Variants in LRP4 observed in about 807,000 individuals in gnomAD.
LRP4 encodes low-density lipoprotein receptor-related protein 4.
LRP4 carries 95 observed loss-of-function variants against 220.3 expected under a neutral mutation model. The ratio of observed to expected loss-of-function variants is 0.43; its 90% confidence interval spans 0.37 to 0.51. LRP4 has a LOEUF of 0.51. Ranked by LOEUF, LRP4 falls within the 20% of genes least tolerant of loss-of-function variation. The probability of loss-of-function intolerance (pLI) is 0.00; values close to 1 mark genes in which losing one functional copy is unlikely to be tolerated. For synonymous variants in LRP4, 903 were observed against 954.6 expected (o/e 0.95, Z 1.00); for missense variants, 1,925 against 2,567.0 (o/e 0.75, Z 5.40).
At chr11:46,861,592 C>A (rs984424902) in intron 37 of LRP4, among the ~76,000 whole-genome samples, 1 of 127,000 alleles carries the variant, frequency 7.9e-6, no homozygotes, top group Admixed American at 1.0e-4. Context: ...GTGGCATGAT[C>A]ACAGCTCACT....
At chr11:46,911,038 A>G (rs1227861560) in intron 1 of LRP4, among the ~76,000 whole-genome samples, 1 of 152,230 alleles carries the variant, frequency 6.6e-6, no homozygotes, top group Admixed American at 6.5e-5. Context: ...GAGAATCCAG[A>G]AACTAAAGTA....
chr11:46,884,965 A>G (rs1027356242), intron 18 of LRP4, among the ~76,000 whole-genome samples: 5 of 152,062 alleles, frequency 3.3e-5, no homozygotes, highest in Non-Finnish European at 7.4e-5. Context: ...ACTAACCCCC[A>G]AAGATTCTGA....
Position 46,894,822 on chromosome 11 carries a change from G to A in LRP4, c.1310-3C>T, listed in dbSNP as rs1941491191. On this transcript the variant is annotated splice_region_variant and splice_polypyrimidine_tract_variant and intron_variant, in intron 11 of 37. Transcript: ENST00000378623. ...GAACAGCAGCACAGGCTCTGGCCCTGGGAAACAGTATAAACATGGGATACC... is the reference window on the plus strand; with the variant it reads ...GAACAGCAGCACAGGCTCTGGCCCTAGGAAACAGTATAAACATGGGATACC... The A allele has an allele frequency of 6.2e-7, 1 of 1,613,308 alleles. No homozygotes were observed. The highest frequency in any genetic ancestry group is 8.5e-7 in the Non-Finnish European group (1 of 1,179,260).
At position 46,899,867 on chromosome 11, in the gene LRP4, C is replaced by T. The variant is rs371955690; in HGVS notation, c.426G>A (p.Gln142=). Residue 142 remains glutamine (Q), a synonymous_variant, in exon 4 of 38, where the codon CAG becomes CAA. Transcript: ENST00000378623. The surrounding 1 kb of genome is among the most constrained non-coding windows in gnomAD (Gnocchi z 5.9). ...DNDCGDNSDE[Q]CDMRKCSDKE... ...TCCCCCGTTGGGGTCACCCACCACA[C>T]TGCTCATCGCTGTTGTCGCCACAGT... is the stretch of plus-strand genomic sequence containing the variant. 36 of 1,613,680 alleles carry T rather than the reference C, an allele frequency of 2.2e-5. No individual in the cohort carries two copies. The African/African-American group carries it at 3.5e-4, about 16-fold the overall frequency.
intron 3 of LRP4, 139 bp from the exon 4 acceptor site, chr11:46,900,115 C>T (rs1021233452): frequency 2.1e-6 from 2 of 952,710 alleles, no homozygotes; most frequent in Admixed American, 1.8e-5. Context: ...CTCTCAGCAG[C>T]TTATCTGACT....
intron 37 of LRP4, among the ~76,000 whole-genome samples, chr11:46,862,363 G>A (rs1592509227): frequency 6.6e-6 from 1 of 152,136 alleles, no homozygotes; most frequent in East Asian, 1.9e-4. Context: ...ACTGCTTTCA[G>A]ACCTAAATCT....
intron 1 of LRP4, among the ~76,000 whole-genome samples, chr11:46,910,471 A>G (rs1941840610): frequency 6.6e-6 from 1 of 152,304 alleles, no homozygotes; most frequent in East Asian, 1.9e-4. Context: ...ACTATTAAAG[A>G]TTTGGCTTAC....
chr11:46,898,736 A>G (rs1175566638), intron 6 of LRP4, 59 bp from the exon 7 acceptor site: 46 of 1,610,834 alleles, frequency 2.9e-5, no homozygotes, highest in East Asian at 2.2e-5. Context: ...ATGGCAGACT[A>G]GAAGGCCACA....
intron 1 of LRP4, among the ~76,000 whole-genome samples, chr11:46,913,913 G>C (rs943547640): frequency 7.2e-5 from 11 of 152,060 alleles, no homozygotes; most frequent in Non-Finnish European, 1.5e-5. Flanking sequence ...GAGAAAGAAG[G>C]GGCAGATCTT....
At chr11:46,864,578 T>G in intron 35 of LRP4, 43 bp from the exon 36 acceptor site, 2 of 1,280,740 alleles carry the variant, frequency 1.6e-6, no homozygotes, top group South Asian at 1.2e-5. Flanking sequence ...CACCGACAAC[T>G]TTCTAGCGGT....
chr11:46,911,503 C>T (rs1380978900), intron 1 of LRP4, among the ~76,000 whole-genome samples: 4 of 151,668 alleles, frequency 2.6e-5, no homozygotes, highest in South Asian at 4.2e-4. Flanking sequence ...TCTCTCTCTT[C>T]TCCTGAGCCC....
At chr11:46,884,736 CAAAAAAAAAA>C (rs71042633) in intron 18 of LRP4, among the ~76,000 whole-genome samples, 39 of 40,758 alleles carry the variant, frequency 9.6e-4, no homozygotes, top group African/African-American at 3.4e-3. Flanking sequence ...GACTCCGTCT[CAAAAAAAAAA>C]AAAAAAAAAA....
At position 46,902,807 on chromosome 11, in the gene LRP4, C is replaced by G; in HGVS notation, c.175G>C (p.Asp59His). The G allele has an allele frequency of 6.2e-7, 1 of 1,614,104 alleles. No individual in the cohort carries two copies. Among genetic ancestry groups the G allele is most frequent in the Non-Finnish European group, 8.5e-7 (1 of 1,180,034 alleles). Residue 59 changes from aspartate to histidine, a missense_variant, in exon 2 of 38, where the codon GAC (aspartate) becomes CAC (histidine). Physicochemically the swap from Asp to His is moderately conservative, Grantham distance 81. Around this residue, in one of 3 missense-constraint regions of LRP4, gnomAD observed 412 missense variants for 505.4 expected, o/e 0.82. Coordinates refer to ENST00000378623, the MANE Select transcript of LRP4 (RefSeq NM_002334.4). ...CTACATCCATCCTCATCGCTGTGGT[C>G]CCCGCAGTCATTGTCTCCATCACAC... ...WQCDGDNDCGDHSDEDGCILP... is the reference protein window; with the variant it reads ...WQCDGDNDCGHHSDEDGCILP...
chr11:46,884,229 C>T lies in LRP4; in HGVS notation c.2507-253G>A, dbSNP rs573158800. On this transcript the variant is annotated intron_variant, in intron 18 of 37. Coordinates refer to ENST00000378623, the MANE Select transcript of LRP4 (RefSeq NM_002334.4). ...AACCATAATTTAAGGCGATGATTCTCAAACTTTAGTGTGCGTAAGAATCAG... is the reference window on the plus strand; with the variant it reads ...AACCATAATTTAAGGCGATGATTCTTAAACTTTAGTGTGCGTAAGAATCAG... Among the ~76,000 whole-genome samples, 7 of 152,340 alleles carry T rather than the reference C, an allele frequency of 4.6e-5. No individual in the cohort carries two copies. The East Asian group carries it at 1.3e-3, about 29-fold the overall frequency.
intron 20 of LRP4, among the ~76,000 whole-genome samples, chr11:46,879,580 C>G (rs571888185): frequency 8.5e-5 from 13 of 152,200 alleles, no homozygotes; most frequent in Non-Finnish European, 1.6e-4. Context: ...TATCTCTGGA[C>G]AAATTACTTA....
At chr11:46,879,429 A>ACCC in intron 20 of LRP4, 114 bp from the exon 21 acceptor site, 1 of 985,018 alleles carries the variant, frequency 1.0e-6, no homozygotes, top group South Asian at 1.4e-5. Context: ...CTACTGGGTG[A>ACCC]CCTCCAGTAA....
At chr11:46,863,037 G>C (rs1267864979) in intron 36 of LRP4, 3 of 426,838 alleles carry the variant, frequency 7.0e-6, no homozygotes, top group East Asian at 9.9e-5. Context: ...TCTGGGAGAA[G>C]CAACCTGCCA....
At chr11:46,883,849 T>C in intron 19 of LRP4, 22 bp downstream of exon 19, 1 of 1,587,258 alleles carries the variant, frequency 6.3e-7, no homozygotes, top group Non-Finnish European at 8.7e-7. Flanking sequence ...ATGGAGCTCA[T>C]TCCCAAGGGG....
intron 34 of LRP4, among the ~76,000 whole-genome samples, chr11:46,867,279 G>A (rs1210938703): frequency 6.6e-6 from 1 of 152,042 alleles, no homozygotes; most frequent in East Asian, 1.9e-4. Context: ...TCATATCTCT[G>A]GGGAAACCTT....
Sources: gnomAD v4.1 joint callset for allele counts (sites outside exome capture counted in the v4.1 genomes callset) on GRCh38, gnomAD v4.1.1 for gene constraint, gnomAD v4.1.1 regional missense constraint, Gnocchi (gnomAD v3.1) non-coding constraint, MANE v1.5 for transcripts, NCBI Gene and HGNC (gene_info 2026-07-23, HGNC 2026-07-21) for gene names.